Variants in CTNNA2 observed in about 807,000 individuals in gnomAD.
The protein encoded by CTNNA2 is catenin alpha-2.
CTNNA2 carries 42 observed loss-of-function variants against 101.0 expected under a neutral mutation model. The ratio of observed to expected loss-of-function variants is 0.42; its 90% CI spans 0.32 to 0.54. CTNNA2 has a LOEUF of 0.54. CTNNA2 is among the 20% of genes least tolerant of loss of function. CTNNA2 has a pLI of 0.14. For missense variants in CTNNA2, 871 were observed against 1,223.1 expected (o/e 0.71, Z 4.29); for synonymous variants, 450 against 456.4 (o/e 0.99, Z 0.18).
intron 9 of CTNNA2, among the ~76,000 whole-genome samples, chr2:80,483,026 C>T (rs1686269179): frequency 1.3e-5 from 2 of 152,126 alleles, no homozygotes; most frequent in Admixed American, 1.3e-4. Context: ...TCTTTCACTC[C>T]TTGTTCCTGA....
chr2:79,875,877 C>G (rs1334250538), intron 6 of CTNNA2, among the ~76,000 whole-genome samples: 1 of 151,866 alleles, frequency 6.6e-6, no homozygotes, highest in African/African-American at 2.4e-5. Flanking sequence ...ATAATGTTTA[C>G]TTTATATAAC....
At chr2:79,769,970 T>C (rs1673455074) in intron 3 of CTNNA2, among the ~76,000 whole-genome samples, 1 of 152,324 alleles carries the variant, frequency 6.6e-6, no homozygotes, top group African/African-American at 2.4e-5. Flanking sequence ...GCAACTGAGT[T>C]TTAAAATTCA....
intron 7 of CTNNA2, among the ~76,000 whole-genome samples, chr2:80,017,656 G>A (rs144567457): frequency 6.6e-6 from 1 of 152,158 alleles, no homozygotes; most frequent in Non-Finnish European, 1.5e-5. Context: ...GGGTTCTAAT[G>A]TGCAGGTCTA....
intron 7 of CTNNA2, among the ~76,000 whole-genome samples, chr2:80,028,696 T>C (rs1695096343): frequency 6.6e-6 from 1 of 152,158 alleles, no homozygotes; most frequent in Admixed American, 6.5e-5. Context: ...GTGTGCCCAA[T>C]GTAATCACAA....
chr2:79,959,560 C>T (rs1368520497), intron 7 of CTNNA2, among the ~76,000 whole-genome samples: 2 of 152,146 alleles, frequency 1.3e-5, no homozygotes, highest in Admixed American at 6.5e-5. Context: ...TCCTGGAAGG[C>T]GCAATCCTTT....
At chr2:80,638,975 C>T (rs1573538353) in intron 18 of CTNNA2, among the ~76,000 whole-genome samples, 1 of 152,170 alleles carries the variant, frequency 6.6e-6, no homozygotes, top group Admixed American at 6.5e-5. Context: ...ATACAGATTT[C>T]CTCACAACTG....
chr2:79,715,073 G>A (rs965707501), intron 2 of CTNNA2, among the ~76,000 whole-genome samples: 5 of 151,400 alleles, frequency 3.3e-5, no homozygotes, highest in African/African-American at 1.2e-4. Context: ...CAGGCGTGGT[G>A]GTGGATGCCT....
chr2:79,639,474 T>C lies in CTNNA2; in HGVS notation c.-5-12078T>C, dbSNP rs1030564656. On this transcript the variant is annotated intron_variant, in intron 1 of 18. Transcript: ENST00000402739. Reference sequence around the variant, plus strand: ...AAATAATTGAGAAGCATTAGATTCTTGCATTAACAGTAAAATTTATTTATA... The same window carrying C: ...AAATAATTGAGAAGCATTAGATTCTCGCATTAACAGTAAAATTTATTTATA... Among the ~76,000 whole-genome samples the C allele has an allele frequency of 2.6e-5, 4 of 151,810 alleles. No individual in the cohort carries two copies. The East Asian group carries it at 7.7e-4, about 29-fold the overall frequency.
At chr2:79,582,893 C>G (rs1676236202) in intron 1 of CTNNA2, among the ~76,000 whole-genome samples, 1 of 152,142 alleles carries the variant, frequency 6.6e-6, no homozygotes, top group African/African-American at 2.4e-5. Context: ...CCTTTCCCCA[C>G]TCACCTTAGT....
chr2:79,997,990 G>A (rs750561899), intron 7 of CTNNA2, among the ~76,000 whole-genome samples: 22 of 152,158 alleles, frequency 1.4e-4, no homozygotes, highest in Admixed American at 9.8e-4. Context: ...ATAGTTAACC[G>A]AGACTTTTGG....
At chr2:79,185,524 T>A (rs1016260343) in intron 1 of CTNNA2, 1 of 152,238 alleles carries the variant, frequency 6.6e-6, no homozygotes, top group African/African-American at 2.4e-5. Flanking sequence ...CCTGTATTTA[T>A]AAATGATGAT....
intron 7 of CTNNA2, among the ~76,000 whole-genome samples, chr2:79,956,118 TATA>T (rs1689206698): frequency 6.6e-6 from 1 of 152,170 alleles, no homozygotes; most frequent in African/African-American, 2.4e-5. Context: ...AGCCTCAGGC[TATA>T]ATAAGTAGCC....
chr2:79,386,362 A>C (rs1678105928), intron 4 of CTNNA2, among the ~76,000 whole-genome samples: 1 of 152,136 alleles, frequency 6.6e-6, no homozygotes, highest in Admixed American at 6.5e-5. Context: ...GAACGGCATA[A>C]CTCTGTGAAG....
chr2:79,387,557 A>T (rs1401322855), intron 4 of CTNNA2, among the ~76,000 whole-genome samples: 1 of 152,212 alleles, frequency 6.6e-6, no homozygotes, highest in Non-Finnish European at 1.5e-5. Flanking sequence ...ACACAGCTAC[A>T]TAGGCCAAAC....
rs751373690 is a variant in CTNNA2 at position 80,343,901 on chromosome 2, A to G, written c.1057-49310A>G. Among the ~76,000 whole-genome samples, 9 of 152,190 alleles carry G rather than the reference A, an allele frequency of 5.9e-5. 1 individual carries two copies. The highest frequency in any genetic ancestry group is 8.8e-5 in the Non-Finnish European group (6 of 68,038). ...TAAATTCTCCCTCACACACTTATAT[A>G]TATAACTTGACTTCAGTATCTCTCT... On this transcript the variant is annotated intron_variant, in intron 7 of 18. Transcript: ENST00000402739.
intron 2 of CTNNA2, among the ~76,000 whole-genome samples, chr2:79,708,101 C>T (rs138264348): frequency 1.8e-4 from 27 of 152,236 alleles, no homozygotes; most frequent in African/African-American, 6.5e-4. Flanking sequence ...TGTGGTAATG[C>T]CCACTGATTT....
chr2:80,001,741 C>T (rs572927791), intron 7 of CTNNA2, among the ~76,000 whole-genome samples: 12 of 152,204 alleles, frequency 7.9e-5, no homozygotes, highest in African/African-American at 2.9e-4. Flanking sequence ...AGGAGGCGGC[C>T]GGACACAGCC....
chr2:80,166,666 C>G (rs912984584), intron 7 of CTNNA2, among the ~76,000 whole-genome samples: 1 of 152,090 alleles, frequency 6.6e-6, no homozygotes, highest in Non-Finnish European at 1.5e-5. Flanking sequence ...GATTTATAGC[C>G]AGTTGATCAG....
intron 7 of CTNNA2, among the ~76,000 whole-genome samples, chr2:80,043,089 TTCTTTCTCTC>T (rs1239950334): frequency 0.038 from 1,197 of 31,390 alleles, 23 homozygotes; most frequent in African/African-American, 0.1. Flanking sequence ...CTTTCTTTCT[TTCTTTCTCTC>T]TCTCTCTCTC....
Sources: allele counts gnomAD v4.1 joint callset (sites outside exome capture counted in the v4.1 genomes callset), GRCh38; gene constraint gnomAD v4.1.1; transcripts MANE v1.5; gene names NCBI Gene and HGNC (gene_info 2026-07-23, HGNC 2026-07-21).